Variants in FSTL5 observed in about 807,000 individuals in gnomAD.
FSTL5 encodes the protein follistatin-related protein 5.
FSTL5 carries 62 observed loss-of-function variants against 89.1 expected under a neutral mutation model. The ratio of observed to expected loss-of-function variants is 0.70; its 90% CI spans 0.57 to 0.86. The LOEUF is 0.86. Among genes scored for constraint, FSTL5 ranks in the 40% least tolerant of loss-of-function variants. The pLI is 0.00. For synonymous variants in FSTL5, 383 were observed against 346.2 expected (o/e 1.11, Z -1.18); for missense variants, 1,057 against 1,001.6 (o/e 1.06, Z -0.75).
At chr4:161,540,368 C>T (rs755278120) in intron 9 of FSTL5, among the ~76,000 whole-genome samples, 3 of 152,108 alleles carry the variant, frequency 2.0e-5, no homozygotes, top group Non-Finnish European at 4.4e-5. Context: ...TACTTCAAAT[C>T]TTTATATACT....
chr4:161,805,775 T>C (rs1382235582), intron 4 of FSTL5, among the ~76,000 whole-genome samples: 17 of 152,246 alleles, frequency 1.1e-4, no homozygotes, highest in Non-Finnish European at 4.4e-5. Flanking sequence ...AGGGAGGCTT[T>C]GGAGACGATT....
chr4:161,834,790 G>T (rs1200261422), intron 4 of FSTL5, among the ~76,000 whole-genome samples: 7 of 151,942 alleles, frequency 4.6e-5, no homozygotes, highest in African/African-American at 1.7e-4. Flanking sequence ...CACTGCTCGA[G>T]GAAATACAAG....
At chr4:161,688,456 C>T (rs1019261919) in intron 6 of FSTL5, among the ~76,000 whole-genome samples, 2 of 152,128 alleles carry the variant, frequency 1.3e-5, no homozygotes, top group African/African-American at 4.8e-5. Flanking sequence ...AAAGGCTTGG[C>T]ATTAGTAGCT....
intron 5 of FSTL5, among the ~76,000 whole-genome samples, chr4:161,766,399 C>A (rs893435066): frequency 6.6e-6 from 1 of 152,118 alleles, no homozygotes; most frequent in Admixed American, 6.5e-5. Flanking sequence ...ATATGCAGGA[C>A]CACGATGCCA....
intron 3 of FSTL5, among the ~76,000 whole-genome samples, chr4:161,963,914 T>G (rs1457012579): frequency 6.6e-6 from 1 of 151,978 alleles, no homozygotes; most frequent in Non-Finnish European, 1.5e-5. Flanking sequence ...AATAGTGATC[T>G]TATAAGAGTA....
At chr4:162,041,311 T>TGATA (rs1737946902) in intron 2 of FSTL5, among the ~76,000 whole-genome samples, 1 of 151,254 alleles carries the variant, frequency 6.6e-6, no homozygotes, top group Non-Finnish European at 1.5e-5. Flanking sequence ...AAAGAGTGCA[T>TGATA]GATAAGACTG....
rs565541095 is a variant in FSTL5, at chr4:161,946,031, CAT to C, written c.161-25381_161-25380del. On this transcript the variant is annotated intron_variant, in intron 3 of 15. Transcript: ENST00000306100. ...TTGCATTTTCATTTGCATAAAATAA[CAT>C]ATGGTATATATTTCCACAAAAATAA... Among the ~76,000 whole-genome samples the C allele has an allele frequency of 4.3e-4, 65 of 152,196 alleles. No individual in the cohort carries two copies. The South Asian group carries it at 4.6e-3, about 11-fold the overall frequency.
chr4:161,783,284 T>C (rs140524325), intron 4 of FSTL5, among the ~76,000 whole-genome samples: 3 of 152,202 alleles, frequency 2.0e-5, no homozygotes, highest in Non-Finnish European at 4.4e-5. Context: ...GAAAATATAA[T>C]ACACTTCATA....
intron 10 of FSTL5, among the ~76,000 whole-genome samples, chr4:161,513,276 AGAG>A (rs2126504015): frequency 1.6e-4 from 1 of 6,150 alleles, no homozygotes; most frequent in African/African-American, 3.2e-4. Flanking sequence ...GGAGGGGGAG[AGAG>A]AGAGAGAGAG....
chr4:161,458,738 T>C (rs1373504224), intron 14 of FSTL5, among the ~76,000 whole-genome samples: 2 of 152,136 alleles, frequency 1.3e-5, no homozygotes, highest in Non-Finnish European at 2.9e-5. Flanking sequence ...ATCTGTGAAG[T>C]TCTCACATAA....
chr4:162,080,506 C>A (rs948031863), intron 2 of FSTL5, among the ~76,000 whole-genome samples: 10 of 151,570 alleles, frequency 6.6e-5, no homozygotes, highest in African/African-American at 2.2e-4. Context: ...CTGGAAATTT[C>A]TAAGTGAGAG....
chr4:161,917,007 A>T (rs1733859399), intron 4 of FSTL5, among the ~76,000 whole-genome samples: 1 of 152,130 alleles, frequency 6.6e-6, no homozygotes, highest in South Asian at 2.1e-4. Flanking sequence ...GAGTGCAGTG[A>T]TGCAATCTCC....
chr4:161,642,957 T>C (rs1326277879), intron 7 of FSTL5, among the ~76,000 whole-genome samples: 1 of 152,218 alleles, frequency 6.6e-6, no homozygotes, highest in African/African-American at 2.4e-5. Flanking sequence ...AATTTTATGC[T>C]ATGTGTATTC....
At chr4:162,133,933 C>T (rs875998) in intron 1 of FSTL5, among the ~76,000 whole-genome samples, 3 of 151,950 alleles carry the variant, frequency 2.0e-5, no homozygotes, top group African/African-American at 7.3e-5. Context: ...TTGCCTCTCT[C>T]GACAGCTAGA....
chr4:161,397,716 GAC>G (rs2110895362), intron 15 of FSTL5, among the ~76,000 whole-genome samples: 1 of 151,526 alleles, frequency 6.6e-6, no homozygotes, highest in South Asian at 2.1e-4. Context: ...TGACAAAGGT[GAC>G]TATATTAAAA....
At chr4:161,829,159 A>ATATATATATATATG (rs1203481921) in intron 4 of FSTL5, among the ~76,000 whole-genome samples, 1 of 147,104 alleles carries the variant, frequency 6.8e-6, no homozygotes, top group African/African-American at 2.5e-5. Context: ...ATATATATAT[A>ATATATATATATATG]TATGTACACA....
intron 6 of FSTL5, among the ~76,000 whole-genome samples, chr4:161,709,857 C>T (rs1738717408): frequency 6.6e-6 from 1 of 151,692 alleles, no homozygotes; most frequent in African/African-American, 2.4e-5. Flanking sequence ...TTTTTTGAAC[C>T]TCTAGAGTGG....
At chr4:161,717,550 C>A (rs1037285696) in intron 6 of FSTL5, among the ~76,000 whole-genome samples, 1 of 152,134 alleles carries the variant, frequency 6.6e-6, no homozygotes. Flanking sequence ...GTCAAATAAA[C>A]AAGACTGACC....
At chr4:161,594,218 A>T (rs1733929570) in intron 7 of FSTL5, among the ~76,000 whole-genome samples, 1 of 152,166 alleles carries the variant, frequency 6.6e-6, no homozygotes, top group African/African-American at 2.4e-5. Context: ...AGATCACAAC[A>T]GAGAATTCTT....
Sources: allele counts gnomAD v4.1 joint callset (sites outside exome capture counted in the v4.1 genomes callset), GRCh38; gene constraint gnomAD v4.1.1; transcripts MANE v1.5; gene names NCBI Gene and HGNC (gene_info 2026-07-23, HGNC 2026-07-21).